The following COPG2 variants were observed in gnomAD, a reference collection of about 807,000 sequenced individuals.
COPG2 encodes the protein coatomer subunit gamma-2.
A neutral mutation model predicts 46.3 loss-of-function variants in COPG2; 37 were observed. That is an observed-to-expected ratio of 0.80 (90% CI 0.61 to 1.05). The LOEUF (loss-of-function observed/expected upper bound fraction) is 1.05, where lower values mean the gene tolerates loss of function less well. Among genes scored for constraint, COPG2 ranks in the 50% least tolerant of loss-of-function variants. COPG2 has a pLI of 0.00. For missense variants in COPG2, 427 were observed against 387.8 expected (o/e 1.10, Z -0.85); for synonymous variants, 159 against 129.7 (o/e 1.23, Z -1.53).
At chr7:130,605,569 C>CA (rs1371329093) in intron 9 of COPG2, 1 of 385,542 alleles carries the variant, frequency 2.6e-6, no homozygotes, top group East Asian at 7.2e-5. Flanking sequence ...GCAAGGGACT[C>CA]AAAGAGAGGC....
intron 3 of COPG2, among the ~76,000 whole-genome samples, chr7:130,664,211 T>C (rs1796032115): frequency 6.6e-6 from 1 of 152,190 alleles, no homozygotes. Flanking sequence ...ATATAATACG[T>C]TACACTCAAT....
At chr7:130,583,567 G>A (rs1283753981) in intron 9 of COPG2, among the ~76,000 whole-genome samples, 5 of 148,628 alleles carry the variant, frequency 3.4e-5, no homozygotes, top group Admixed American at 2.7e-4. Flanking sequence ...AGCACTTTGG[G>A]AGGCTGAGGC....
chr7:130,539,774 A>G (rs908209252), intron 20 of COPG2, among the ~76,000 whole-genome samples: 1,634 of 152,230 alleles, frequency 0.011, 30 homozygotes, highest in African/African-American at 0.038. Flanking sequence ...GGCAGAAAGC[A>G]TGGTGGAAGG....
intron 20 of COPG2, among the ~76,000 whole-genome samples, chr7:130,530,010 T>C (rs1009072101): frequency 6.6e-6 from 1 of 151,826 alleles, no homozygotes; most frequent in African/African-American, 2.4e-5. Context: ...ATGGGCCCAG[T>C]GGGAGAGAGT....
chr7:130,627,191 T>C (rs1795134788), intron 5 of COPG2, among the ~76,000 whole-genome samples: 1 of 152,214 alleles, frequency 6.6e-6, no homozygotes, highest in Admixed American at 6.5e-5. Flanking sequence ...ACTAACTTTT[T>C]AGTATTTTCT....
chr7:130,573,943 A>T (rs1793957486), intron 9 of COPG2, among the ~76,000 whole-genome samples: 1 of 152,226 alleles, frequency 6.6e-6, no homozygotes, highest in African/African-American at 2.4e-5. Flanking sequence ...CAATTTCTTT[A>T]AAAGTTAAAC....
chr7:130,564,454 G>C (rs1029630161), intron 9 of COPG2, 61 bp from the exon 10 acceptor site: 1 of 398,136 alleles, frequency 2.5e-6, no homozygotes, highest in African/African-American at 2.1e-5. Context: ...ATATGCATAG[G>C]GATTAAAAGC....
At chr7:130,543,733 A>AGG (rs1793381535) in intron 20 of COPG2, among the ~76,000 whole-genome samples, 1 of 152,214 alleles carries the variant, frequency 6.6e-6, no homozygotes. Context: ...TTTTTCCCCT[A>AGG]AGGCAAAAGG....
chr7:130,628,446 AACCTCTCAAGG>A (rs1795161034), intron 5 of COPG2, among the ~76,000 whole-genome samples: 1 of 152,214 alleles, frequency 6.6e-6, no homozygotes, highest in Non-Finnish European at 1.5e-5. Context: ...CTAGAATAAG[AACCTCTCAAGG>A]GTATATTCCC....
At chr7:130,512,080 C>G (rs1443950102) in intron 20 of COPG2, among the ~76,000 whole-genome samples, 3 of 101,574 alleles carry the variant, frequency 3.0e-5, no homozygotes, top group Non-Finnish European at 6.2e-5. Flanking sequence ...AAAAAAAATA[C>G]AAAATTAGCC....
intron 5 of COPG2, among the ~76,000 whole-genome samples, chr7:130,651,413 C>T (rs533390356): frequency 4.8e-4 from 72 of 151,362 alleles, no homozygotes; most frequent in South Asian, 4.4e-3. Flanking sequence ...ACCTCCCAGG[C>T]TCCAGCGATT....
At chr7:130,599,393 C>A (rs1343327474) in intron 9 of COPG2, among the ~76,000 whole-genome samples, 1 of 152,226 alleles carries the variant, frequency 6.6e-6, no homozygotes, top group Non-Finnish European at 1.5e-5. Flanking sequence ...CTAAGTCACA[C>A]ACCCATTGGT....
chr7:130,514,349 C>T (rs1021452774), intron 20 of COPG2, among the ~76,000 whole-genome samples: 51 of 152,134 alleles, frequency 3.4e-4, no homozygotes, highest in Non-Finnish European at 6.6e-4. Context: ...GGTGAAACTT[C>T]TTTGTTTCCA....
chr7:130,610,627 T>C, intron 9 of COPG2: 1 of 541,962 alleles, frequency 1.8e-6, no homozygotes, highest in Non-Finnish European at 3.6e-6. Flanking sequence ...TTCTCTTTTA[T>C]AAAAATAAAA....
chr7:130,535,977 T>C (rs939382663), intron 20 of COPG2, among the ~76,000 whole-genome samples: 3 of 151,956 alleles, frequency 2.0e-5, no homozygotes, highest in Non-Finnish European at 4.4e-5. Context: ...TGGGGGCACC[T>C]GGTCAGTGAT....
intron 20 of COPG2, among the ~76,000 whole-genome samples, chr7:130,513,321 A>G (rs1584960022): frequency 9.4e-5 from 4 of 42,700 alleles, no homozygotes; most frequent in Non-Finnish European, 4.5e-5. Flanking sequence ...ATATATATAT[A>G]TATATATATA....
At chr7:130,610,359 T>A in intron 9 of COPG2, 1 of 335,682 alleles carries the variant, frequency 3.0e-6, no homozygotes, top group South Asian at 2.4e-5. Flanking sequence ...ATTCTAGAGA[T>A]CTTTCTCTGT....
chr7:130,608,295 T>C (rs368214017), intron 9 of COPG2: 2 of 377,602 alleles, frequency 5.3e-6, no homozygotes, highest in South Asian at 2.1e-5. Context: ...TCTACATATA[T>C]ATAAGCCCCA....
intron 21 of COPG2, chr7:130,508,062 T>G: frequency 2.2e-6 from 1 of 446,584 alleles, no homozygotes; most frequent in Non-Finnish European, 4.0e-6. Flanking sequence ...GTAGTCATGT[T>G]GCACCCACAC....
Sources: allele counts gnomAD v4.1 joint callset (sites outside exome capture counted in the v4.1 genomes callset), GRCh38; gene constraint gnomAD v4.1.1; transcripts MANE v1.5; gene names NCBI Gene and HGNC (gene_info 2026-07-23, HGNC 2026-07-21).